Variants in LAMC2 observed in about 807,000 individuals in gnomAD.
LAMC2 encodes laminin subunit gamma 2, also known as laminin subunit gamma-2.
LAMC2 carries 97 observed loss-of-function variants against 140.2 expected under a neutral mutation model. The observed-to-expected ratio is 0.69, with a 90% CI of 0.59 to 0.82. The LOEUF (loss-of-function observed/expected upper bound fraction) is 0.82. Ranked by LOEUF, LAMC2 falls within the 40% of genes least tolerant of loss-of-function variation. The pLI is 0.00. For synonymous variants in LAMC2, 513 were observed against 540.2 expected, an observed-to-expected ratio of 0.95 and a Z score of 0.70; for missense variants, 1,402 against 1,476.1, an observed-to-expected ratio of 0.95 and a Z score of 0.82.
chr1:183,222,671 A>G (rs1208133078), intron 6 of LAMC2, among the ~76,000 whole-genome samples: 1 of 151,624 alleles, frequency 6.6e-6, no homozygotes, highest in Non-Finnish European at 1.5e-5. Flanking sequence ...TCCTTAGCTC[A>G]TATGTGATTC....
In LAMC2 at chr1:183,223,302, C is replaced by G. The variant is rs1193126137; in HGVS notation, c.931C>G (p.Leu311Val). 7 of 1,613,976 alleles carry G rather than the reference C, an allele frequency of 4.3e-6. No individual in the cohort carries two copies. Among genetic ancestry groups the G allele is most frequent in the Middle Eastern group, 1.6e-4 (1 of 6,078 alleles). Residue 311 changes from leucine (L) to valine (V), a missense_variant, in exon 7 of 23, where the codon CTC (leucine) becomes GTC (valine). Leu to Val is a conservative substitution (Grantham distance 32). Transcript: ENST00000264144. ...MPLGKTLPCGLTKTYTFRLNE... is the reference protein window; with the variant it reads ...MPLGKTLPCGVTKTYTFRLNE... ...ACTTGGCAAGACACTGCCTTGTGGG[C>G]TCACCAAGACTTACACATTCAGGTA... is the stretch of plus-strand genomic sequence containing the variant.
At chr1:183,212,076 A>G (rs1281730896) in intron 2 of LAMC2, among the ~76,000 whole-genome samples, 2 of 152,190 alleles carry the variant, frequency 1.3e-5, no homozygotes, top group African/African-American at 4.8e-5. Context: ...TAAGTCAGTC[A>G]TATTCAGAGT....
In LAMC2 at chr1:183,232,319, CT is replaced by C. The variant is rs756575851; in HGVS notation, c.1991del (p.Leu664ArgfsTer21). 6.2e-7 allele frequency: 1 copy of C among 1,614,066 alleles called. No individual in the cohort carries two copies. The highest frequency in any genetic ancestry group is 2.2e-5 in the East Asian group (1 of 44,886). On this transcript the variant is annotated frameshift_variant, in exon 13 of 23. Coordinates refer to ENST00000264144, the MANE Select transcript of LAMC2 (RefSeq NM_005562.3). LOFTEE classifies it high-confidence loss of function. Reference protein sequence around the residue: ...QQAEQALQDILRDAQISEGAS... With the variant: ...QQAEQALQDIXRDAQISEGAS... ...GGCTGAGCAGGCCCTTCAGGACATT[CT>C]GAGAGATGCCCAGATTTCAGAAGGT...
chr1:183,200,157 G>A (rs1366255564), intron 1 of LAMC2, among the ~76,000 whole-genome samples: 6 of 152,146 alleles, frequency 3.9e-5, no homozygotes, highest in African/African-American at 1.4e-4. Flanking sequence ...TTGGGAGGCC[G>A]AGGCAGGCAA....
Position 183,202,207 on chromosome 1 carries a change from GCAA to G in LAMC2, c.80-5658_80-5656del, listed in dbSNP as rs200477288. ...AGACTGTCTCAAAAAAAGAAAAACA[GCAA>G]CAACAACAACAACAAAAAAAAAAAA... On this transcript the variant is annotated intron_variant, in intron 1 of 22. Transcript: ENST00000264144. Among the ~76,000 whole-genome samples the G allele has an allele frequency of 8.5e-4, 126 of 148,318 alleles. No homozygotes were observed. The East Asian group carries it at 0.019, about 23-fold the overall frequency.
intron 13 of LAMC2, 97 bp downstream of exon 13, chr1:183,232,440 A>C (rs1659828267): frequency 1.4e-6 from 2 of 1,392,874 alleles, no homozygotes; most frequent in Non-Finnish European, 2.0e-6. Flanking sequence ...ATATCAGTTC[A>C]GCAGTTATCT....
At chr1:183,207,819 G>C (rs1254222653) in intron 1 of LAMC2, 62 bp from the exon 2 acceptor site, 7 of 1,334,190 alleles carry the variant, frequency 5.2e-6, no homozygotes, top group Middle Eastern at 1.8e-4. Flanking sequence ...ACACCTGCTA[G>C]AACAGTTCCT....
chr1:183,252,535 A>G, the LAMC2 span: 4 of 843,176 alleles, frequency 4.7e-6, no homozygotes, highest in Admixed American at 1.7e-5. Context: ...GTCAGCAAGT[A>G]GGGAAAACAG....
chr1:183,209,164 G>C (rs954382683), intron 2 of LAMC2, among the ~76,000 whole-genome samples: 1 of 151,646 alleles, frequency 6.6e-6, no homozygotes, highest in African/African-American at 2.4e-5. Flanking sequence ...TTTTTTAAAC[G>C]GTTCATTTGT....
Position 183,228,299 on chromosome 1 carries a change from G to A in LAMC2, c.1469-75G>A, listed in dbSNP as rs1659692224. 23 of 1,598,270 alleles carry A rather than the reference G, an allele frequency of 1.4e-5. No homozygotes were observed. The highest frequency in any genetic ancestry group is 1.2e-4 in the South Asian group (11 of 90,292). ...CTCTGGCTCTTCTAGAGGGTGACTCGCAACTTTAGGCCTCTGCGTCTGGTC... is the reference window on the plus strand; with the variant it reads ...CTCTGGCTCTTCTAGAGGGTGACTCACAACTTTAGGCCTCTGCGTCTGGTC... On this transcript the variant is annotated intron_variant, in intron 10 of 22. Transcript: ENST00000264144. This position sits in a 1 kb window ranked among gnomAD's most constrained non-coding sequence, Gnocchi z 4.3.
At chr1:183,189,289 G>A (rs187146872) in intron 1 of LAMC2, among the ~76,000 whole-genome samples, 1 of 152,218 alleles carries the variant, frequency 6.6e-6, no homozygotes, top group East Asian at 1.9e-4. Context: ...AAAGGATGAG[G>A]ACTATAAAAG....
Position 183,236,568 on chromosome 1 carries a change from G to T in LAMC2, c.2565G>T (p.Val855=). ...ACAGTCTCCGCCTCCTGGATTCAGT[G>T]TCTCGGCTTCAGGGAGTCAGTGATC... ...YQHSLRLLDS[V]SRLQGVSDQS... is the part of the protein sequence containing the mutation. The change falls in exon 17 of 23, where the codon GTG becomes GTT. Residue 855 remains valine (V), a synonymous_variant. Transcript: ENST00000264144. 1 of 1,614,148 alleles carries T rather than the reference G, an allele frequency of 6.2e-7. No homozygotes were observed.
the LAMC2 span, chr1:183,251,736 A>C: frequency 1.3e-5 from 2 of 153,156 alleles, no homozygotes; most frequent in East Asian, 3.8e-4. Flanking sequence ...AGCTCAGAGC[A>C]TCAGGGAAAT....
downstream of LAMC2, chr1:183,249,485 C>T (rs1660315734): frequency 6.6e-6 from 1 of 152,136 alleles, no homozygotes; most frequent in Admixed American, 6.5e-5. Context: ...CCATGCCAGT[C>T]TTGGATTGGG....
intron 1 of LAMC2, among the ~76,000 whole-genome samples, chr1:183,204,264 C>T (rs1244669584): frequency 6.6e-6 from 1 of 151,822 alleles, no homozygotes; most frequent in Non-Finnish European, 1.5e-5. Flanking sequence ...GCACTCCACT[C>T]TGGGTGACAG....
At chr1:183,239,860 C>A in intron 20 of LAMC2, 180 bp from the exon 21 acceptor site, 1 of 739,902 alleles carries the variant, frequency 1.4e-6, no homozygotes, top group Non-Finnish European at 2.3e-6. Context: ...CCCAGATTAG[C>A]TTGTTTGAGG....
intron 22 of LAMC2, chr1:183,240,758 AC>A (rs1481776335): frequency 1.0e-6 from 1 of 1,004,878 alleles, no homozygotes; most frequent in Non-Finnish European, 1.2e-6. Flanking sequence ...TAACATCACC[AC>A]TGTATATTTC....
At chr1:183,246,399 AG>A (rs557356055), downstream of LAMC2, among the ~76,000 whole-genome samples, 408 of 152,326 alleles carry the variant, frequency 2.7e-3, 1 homozygote, top group Non-Finnish European at 3.5e-3. Context: ...TGCCAAGATA[AG>A]GAAGCTTTCC....
intron 22 of LAMC2, among the ~76,000 whole-genome samples, chr1:183,242,839 C>CTT (rs10712142): frequency 4.2e-5 from 6 of 144,468 alleles, no homozygotes; most frequent in Non-Finnish European, 4.6e-5. Flanking sequence ...CTTCAGTCCT[C>CTT]TTTTTTTTTT....
Sources: gnomAD v4.1 joint callset for allele counts (sites outside exome capture counted in the v4.1 genomes callset) on GRCh38, gnomAD v4.1.1 for gene constraint, Gnocchi (gnomAD v3.1) non-coding constraint, MANE v1.5 for transcripts, NCBI Gene and HGNC (gene_info 2026-07-23, HGNC 2026-07-21) for gene names.